Variants in PPP2R2C observed in about 807,000 individuals in gnomAD.
The protein encoded by PPP2R2C is protein phosphatase 2, regulatory subunit B, gamma.
A neutral mutation model predicts 45.3 loss-of-function variants in PPP2R2C; 10 were observed. That is an observed-to-expected ratio of 0.22 (90% CI 0.14 to 0.37). The LOEUF (loss-of-function observed/expected upper bound fraction) is 0.37, where lower values mean the gene tolerates loss of function less well. Among genes scored for constraint, PPP2R2C ranks in the 10% least tolerant of loss-of-function variants. The pLI is 1.00. For synonymous variants in PPP2R2C, 257 were observed against 245.4 expected (o/e 1.05, Z -0.44); for missense variants, 308 against 619.7 (o/e 0.50, Z 5.34).
intron 2 of PPP2R2C, among the ~76,000 whole-genome samples, chr4:6,502,212 G>T (rs977870142): frequency 6.6e-6 from 1 of 152,200 alleles, no homozygotes; most frequent in Non-Finnish European, 1.5e-5. Context: ...ACCTTCGGGA[G>T]CTATGCTTCT....
intron 6 of PPP2R2C, 43 bp downstream of exon 6, chr4:6,347,803 C>G (rs1176549562): frequency 6.9e-7 from 1 of 1,445,526 alleles, no homozygotes; most frequent in Non-Finnish European, 9.4e-7. Flanking sequence ...ACCCGCCCGC[C>G]TGCCCAATGC....
At chr4:6,347,803 CTGCCCAATGCACAG>C in intron 6 of PPP2R2C, 29 bp downstream of exon 6, 2 of 1,447,438 alleles carry the variant, frequency 1.4e-6, no homozygotes, top group East Asian at 2.5e-5. Flanking sequence ...ACCCGCCCGC[CTGCCCAATGCACAG>C]CCCCCCACCC....
intron 1 of PPP2R2C, among the ~76,000 whole-genome samples, chr4:6,454,137 G>A (rs1012531179): frequency 6.6e-6 from 1 of 152,158 alleles, no homozygotes; most frequent in Non-Finnish European, 1.5e-5. Flanking sequence ...CTCAGGAGCG[G>A]GGCAGTGGCT....
At position 6,378,764 on chromosome 4, in the gene PPP2R2C, C is replaced by T. The variant is rs998328963; in HGVS notation, c.169-192G>A. ...TGCAGTGTGCCAGGGACAAGCCCCG[C>T]TCCCGTGCGGTCCCATGAAACACTC... On this transcript the variant is annotated intron_variant, in intron 2 of 8. Coordinates refer to ENST00000382599, the MANE Select transcript of PPP2R2C (RefSeq NM_020416.4). This position sits in a 1 kb window ranked among gnomAD's most constrained non-coding sequence, Gnocchi z 5.2. Among the ~76,000 whole-genome samples the T allele has an allele frequency of 2.6e-5, 4 of 152,148 alleles. No individual in the cohort carries two copies. The highest frequency in any genetic ancestry group is 4.8e-5 in the African/African-American group (2 of 41,436).
chr4:6,332,396 G>A lies in PPP2R2C; in HGVS notation c.960+1166C>T, dbSNP rs1448348876. 6.6e-6 allele frequency among the ~76,000 whole-genome samples: 1 copy of A among 152,180 alleles called. No homozygotes were observed. The highest frequency in any genetic ancestry group is 2.1e-4 in the South Asian group (1 of 4,824). ...GAGGGAGGAGCTGGGGCAGTCGCAA[G>A]AACTCAAGTAAACACACGTGGCTGA... On this transcript the variant is annotated intron_variant, in intron 7 of 8. Transcript: ENST00000382599. The surrounding 1 kb of genome is among the most constrained non-coding windows in gnomAD (Gnocchi z 4.9).
chr4:6,389,652 C>T lies in PPP2R2C; in HGVS notation c.71-8558G>A, dbSNP rs144449716. The stretch of plus-strand genomic sequence containing the variant: ...ACGGAGTCCAGGTCCAGCGGGGTGA[C>T]GTGGCGTCTGTGGTTATCACAGTAC... On this transcript the variant is annotated intron_variant, in intron 1 of 8. Coordinates refer to ENST00000382599, the MANE Select transcript of PPP2R2C (RefSeq NM_020416.4). Among the ~76,000 whole-genome samples the T allele has an allele frequency of 1.4e-3, 212 of 152,294 alleles. 1 individual carries two copies. Among genetic ancestry groups the T allele is most frequent in the Middle Eastern group, 3.4e-3 (1 of 294 alleles).
rs574569137 is a variant in PPP2R2C, at chr4:6,394,049, C to T, written c.71-12955G>A. Reference sequence around the variant, plus strand: ...GCCTTCCTTCTTGCAACACAGGCTCCGGAAAGCCCCACCCCCAGTCACCTG... The same window carrying T: ...GCCTTCCTTCTTGCAACACAGGCTCTGGAAAGCCCCACCCCCAGTCACCTG... On this transcript the variant is annotated intron_variant, in intron 1 of 8. Coordinates refer to ENST00000382599, the MANE Select transcript of PPP2R2C (RefSeq NM_020416.4). Among the ~76,000 whole-genome samples the T allele has an allele frequency of 2.7e-4, 41 of 152,306 alleles. 1 individual carries two copies. Among genetic ancestry groups the T allele is most frequent in the Admixed American group, 5.9e-4 (9 of 15,304 alleles).
Position 6,417,779 on chromosome 4 carries a change from T to C in PPP2R2C, c.71-36685A>G, listed in dbSNP as rs77217841. ...GGGAACCTCGGCTGCGTGGGGGGCA[T>C]GGTCACTCAGAGGACGGCCCTCGTC... is the stretch of plus-strand genomic sequence containing the variant. On this transcript the variant is annotated intron_variant, in intron 1 of 8. Coordinates refer to ENST00000382599, the MANE Select transcript of PPP2R2C (RefSeq NM_020416.4). Among the ~76,000 whole-genome samples the C allele has an allele frequency of 2.7e-3, 416 of 152,266 alleles. 1 individual carries two copies. Among genetic ancestry groups the C allele is most frequent in the African/African-American group, 9.8e-3 (406 of 41,564 alleles).
chr4:6,492,924 G>A (rs1385407387), intron 2 of PPP2R2C, among the ~76,000 whole-genome samples: 1 of 152,086 alleles, frequency 6.6e-6, no homozygotes, highest in African/African-American at 2.4e-5. Context: ...AGACAATGAT[G>A]TCCTCCCAGT....
At chr4:6,530,717 C>T (rs759689101) in intron 2 of PPP2R2C, among the ~76,000 whole-genome samples, 6 of 152,196 alleles carry the variant, frequency 3.9e-5, no homozygotes, top group Admixed American at 2.0e-4. Flanking sequence ...TGCCCCATCC[C>T]CTACCTCCTA....
At chr4:6,491,148 G>A (rs889211288) in intron 2 of PPP2R2C, among the ~76,000 whole-genome samples, 1 of 152,184 alleles carries the variant, frequency 6.6e-6, no homozygotes, top group African/African-American at 2.4e-5. Context: ...TGCCTGTTTT[G>A]CTCACTGTGT....
Position 6,537,830 on chromosome 4 carries a change from G to A in PPP2R2C, c.-58-2453C>T, listed in dbSNP as rs1724682172. On this transcript the variant is annotated intron_variant, in intron 1 of 9. Transcript: ENST00000506140. ...CTCCCAAAGTGCTGGGATTACAGGT[G>A]TGAGCCACCACGCCCGGCCAAAGAT... Among the ~76,000 whole-genome samples, 3 of 152,168 alleles carry A rather than the reference G, an allele frequency of 2.0e-5. No homozygotes were observed. In the South Asian group the frequency reaches 6.2e-4, roughly 32 times the overall value.
intron 6 of PPP2R2C, among the ~76,000 whole-genome samples, chr4:6,335,567 AG>A (rs1732782114): frequency 6.6e-6 from 1 of 152,112 alleles, no homozygotes; most frequent in Non-Finnish European, 1.5e-5. Context: ...GGAGCCACTG[AG>A]GGTTCAGAGA....
intron 5 of PPP2R2C, among the ~76,000 whole-genome samples, chr4:6,361,248 G>A (rs1175050261): frequency 6.6e-6 from 1 of 152,170 alleles, no homozygotes; most frequent in African/African-American, 2.4e-5. Context: ...ACCGCTCACT[G>A]CACAAGCCAC....
At chr4:6,464,971 T>C (rs1270339032) in intron 1 of PPP2R2C, among the ~76,000 whole-genome samples, 2 of 151,936 alleles carry the variant, frequency 1.3e-5, no homozygotes, top group Non-Finnish European at 2.9e-5. Flanking sequence ...AAGGAAATGA[T>C]TAATTGAACT....
intron 2 of PPP2R2C, among the ~76,000 whole-genome samples, chr4:6,501,990 T>C (rs1462728654): frequency 6.6e-6 from 1 of 152,180 alleles, no homozygotes; most frequent in Non-Finnish European, 1.5e-5. Flanking sequence ...GGATTTGGTC[T>C]GGAAAAAAGA....
chr4:6,381,276 C>T lies in PPP2R2C; in HGVS notation c.71-182G>A, dbSNP rs1310196519. 7 of 1,531,014 alleles carry T rather than the reference C, an allele frequency of 4.6e-6. No individual in the cohort carries two copies. In the Middle Eastern group the frequency reaches 1.0e-3, roughly 219 times the overall value. The allele number at this position is 1,531,014 out of a possible 1,614,324, so 94.8% of individuals were successfully genotyped here. On this transcript the variant is annotated intron_variant, in intron 1 of 8. Transcript: ENST00000382599. Reference sequence around the variant, plus strand: ...CGAGGGGCCACCAACCTGTCCCCTCCTGCCCTCCTCTTCCCTCTGCACTGG... The same window carrying T: ...CGAGGGGCCACCAACCTGTCCCCTCTTGCCCTCCTCTTCCCTCTGCACTGG...
At chr4:6,536,475 A>C (rs1205278839) in intron 1 of PPP2R2C, among the ~76,000 whole-genome samples, 1 of 152,248 alleles carries the variant, frequency 6.6e-6, no homozygotes, top group African/African-American at 2.4e-5. Context: ...CATAAGAAGA[A>C]AGGCAAGTGA....
intron 1 of PPP2R2C, among the ~76,000 whole-genome samples, chr4:6,438,908 C>T (rs1266006381): frequency 1.3e-5 from 2 of 152,266 alleles, no homozygotes; most frequent in Non-Finnish European, 2.9e-5. Context: ...TGACACAGTG[C>T]GGGCACAGAG....
Sources: allele counts gnomAD v4.1 joint callset (sites outside exome capture counted in the v4.1 genomes callset), GRCh38; gene constraint gnomAD v4.1.1; non-coding constraint Gnocchi (gnomAD v3.1); transcripts MANE v1.5; gene names NCBI Gene and HGNC (gene_info 2026-07-23, HGNC 2026-07-21).